Variants in ABCD4 observed in about 807,000 individuals in gnomAD.
ABCD4 encodes lysosomal cobalamin transporter ABCD4.
Under a neutral mutation model 86.3 loss-of-function variants are expected in ABCD4, and 53 were observed. The ratio of observed to expected loss-of-function variants is 0.61; its 90% CI spans 0.49 to 0.77. The LOEUF is 0.77. Ranked by LOEUF, ABCD4 falls within the 30% of genes least tolerant of loss-of-function variation. ABCD4 has a pLI of 0.00. For synonymous variants in ABCD4, 328 were observed against 313.6 expected (o/e 1.05, Z -0.49); for missense variants, 757 against 764.5 (o/e 0.99, Z 0.12).
At chr14:74,293,935 T>C (rs1366510869) in intron 7 of ABCD4, 1 of 152,168 alleles carries the variant, frequency 6.6e-6, no homozygotes, top group African/African-American at 2.4e-5. Context: ...GCAGAAAAGG[T>C]GGAGGGAGAT....
chr14:74,289,723 A>G (rs1206163107), intron 13 of ABCD4: 10 of 1,435,860 alleles, frequency 7.0e-6, no homozygotes, highest in Non-Finnish European at 9.1e-6. Context: ...TAGGGGGAAC[A>G]GTCTGACAGC....
In ABCD4 at chr14:74,286,397, T is replaced by C. The variant is rs774479589; in HGVS notation, c.*64A>G. On this transcript the variant is annotated 3_prime_UTR_variant, in exon 19 of 19. Coordinates refer to ENST00000356924, the MANE Select transcript of ABCD4 (RefSeq NM_005050.4). ...TGAGCTCGATCTTCGCTGTCAGTCC[T>C]CCTGGTCTCTCCTGAGGGCCGCCGA... 1.9e-6 allele frequency: 3 copies of C among 1,567,144 alleles called. No individual in the cohort carries two copies. The Admixed American group carries it at 5.0e-5, about 26-fold the overall frequency.
Position 74,302,864 on chromosome 14 carries a change from G to A in ABCD4, c.38+11C>T, listed in dbSNP as rs1274426386. On this transcript the variant is annotated intron_variant, in intron 1 of 18. Coordinates refer to ENST00000356924, the MANE Select transcript of ABCD4 (RefSeq NM_005050.4). ...CTGCTCCCAAACCTCCTCCCCGACC[G>A]CCCTGCTTACCTGGCGCCAGCTCCG... is the stretch of plus-strand genomic sequence containing the variant. 1.9e-6 allele frequency: 3 copies of A among 1,605,392 alleles called. No individual in the cohort carries two copies. Among genetic ancestry groups the A allele is most frequent in the Admixed American group, 1.7e-5 (1 of 58,966 alleles).
At chr14:74,297,855 A>G in intron 4 of ABCD4, 75 bp downstream of exon 4, 1 of 1,519,346 alleles carries the variant, frequency 6.6e-7, no homozygotes, top group Non-Finnish European at 8.8e-7. Flanking sequence ...GGTGTCTGCC[A>G]CCAGCAGTCT....
At chr14:74,300,905 T>C (rs2140123551) in intron 1 of ABCD4, among the ~76,000 whole-genome samples, 1 of 152,222 alleles carries the variant, frequency 6.6e-6, no homozygotes, top group Non-Finnish European at 1.5e-5. Flanking sequence ...CAGGCTGGAA[T>C]GCAACGGCGC....
chr14:74,302,769 A>AGACGGGGGCGC, intron 1 of ABCD4, 106 bp downstream of exon 1: 1 of 1,260,282 alleles, frequency 7.9e-7, no homozygotes, highest in Non-Finnish European at 1.0e-6. Flanking sequence ...CACGGGGGCG[A>AGACGGGGGCGC]GACGGGGGCG....
At position 74,290,014 on chromosome 14, in the gene ABCD4, G is replaced by C; in HGVS notation, c.1419+13C>G. Reference sequence around the variant, plus strand: ...TTGAGGAGGGAGGAGTGAGCCCCCTGAACTAGACTGACCTGCTCCCGAAGG... The same window carrying C: ...TTGAGGAGGGAGGAGTGAGCCCCCTCAACTAGACTGACCTGCTCCCGAAGG... On this transcript the variant is annotated intron_variant, in intron 13 of 18. Coordinates refer to ENST00000356924, the MANE Select transcript of ABCD4 (RefSeq NM_005050.4). 1 of 1,614,086 alleles carries C rather than the reference G, an allele frequency of 6.2e-7. No homozygotes were observed. Among genetic ancestry groups the C allele is most frequent in the Non-Finnish European group, 8.5e-7 (1 of 1,179,994 alleles).
intron 1 of ABCD4, among the ~76,000 whole-genome samples, chr14:74,300,895 C>T: frequency 6.6e-6 from 1 of 152,054 alleles, no homozygotes; most frequent in East Asian, 1.9e-4. Context: ...GCTCGTTGCC[C>T]AGGCTGGAAT....
At position 74,295,881 on chromosome 14, in the gene ABCD4, T is replaced by C; in HGVS notation, c.641A>G (p.His214Arg). Residue 214 changes from histidine to arginine, a missense_variant, in exon 6 of 19, where the codon CAT becomes CGT. His to Arg is a conservative substitution (Grantham distance 29). Transcript: ENST00000356924. ...AAAATCTCCCTCCAGCTTCTCCTGA[T>C]GCACCAGCTTCATCACAATGGGGCC... The part of the protein sequence containing the change: ...LMGPIVMKLV[H>R]QEKLEGDFRF... 1 of 1,613,452 alleles carries C rather than the reference T, an allele frequency of 6.2e-7. No homozygotes were observed. Among genetic ancestry groups the C allele is most frequent in the Non-Finnish European group, 8.5e-7 (1 of 1,179,874 alleles).
intron 17 of ABCD4, among the ~76,000 whole-genome samples, 156 bp downstream of exon 17, chr14:74,287,654 C>T (rs1439859952): frequency 6.6e-6 from 1 of 152,158 alleles, no homozygotes; most frequent in African/African-American, 2.4e-5. Flanking sequence ...CGATGCCAGG[C>T]ACTGTTTACA....
Position 74,300,182 on chromosome 14 carries a change from A to T in ABCD4, c.125T>A (p.Met42Lys), listed in dbSNP as rs746352661. The T allele has an allele frequency of 1.9e-6, 3 of 1,613,938 alleles. No homozygotes were observed. In the South Asian group the frequency reaches 3.3e-5, roughly 18 times the overall value. The change falls in exon 2 of 19, where the codon ATG becomes AAG. Residue 42 changes from methionine (M) to lysine (K), a missense_variant. Met to Lys is a moderately conservative substitution (Grantham distance 95). Transcript: ENST00000356924. ...FPSWSSQNAL[M>K]FLTLLCLTLL... ...GGTCAGGCACAAAAGGGTCAGGAAC[A>T]TCAAGGCATTTTGTGATGACCAAGA... is the stretch of plus-strand genomic sequence containing the variant.
At chr14:74,297,278 T>C (rs1332067147) in intron 4 of ABCD4, 1 of 152,240 alleles carries the variant, frequency 6.6e-6, no homozygotes, top group Admixed American at 6.5e-5. Flanking sequence ...TCATCCTCAC[T>C]ACACCCTTTG....
rs2139699727 is a variant in ABCD4 at position 74,286,824 on chromosome 14, G to A, written c.1637-8C>T. ...TGGTGGCTTCATCAAGCACTGAGGG[G>A]GCAGAGCACAGAGGAAGAGATCAAA... On this transcript the variant is annotated splice_polypyrimidine_tract_variant and splice_region_variant and intron_variant, in intron 17 of 18. Coordinates refer to ENST00000356924, the MANE Select transcript of ABCD4 (RefSeq NM_005050.4). The A allele has an allele frequency of 6.2e-7, 1 of 1,612,864 alleles. No individual in the cohort carries two copies. Among genetic ancestry groups the A allele is most frequent in the East Asian group, 2.2e-5 (1 of 44,884 alleles).
chr14:74,300,390 C>T, intron 1 of ABCD4, 122 bp from the exon 2 acceptor site: 1 of 670,544 alleles, frequency 1.5e-6, no homozygotes. Context: ...GAATGGTTTT[C>T]AAATGCTGAA....
chr14:74,289,763 C>T lies in ABCD4; in HGVS notation c.1420-244G>A, dbSNP rs1372589331. 4.2e-6 allele frequency: 6 copies of T among 1,434,948 alleles called. No homozygotes were observed. The South Asian group carries it at 4.5e-5, about 11-fold the overall frequency. The allele number at this position is 1,434,948 out of a possible 1,614,324, so 88.9% of individuals were successfully genotyped here. A position where few individuals can be genotyped will look rare whatever the true frequency, so the allele number is the denominator to read the frequency against. ...TGAGGGCAGGGGCCCCAGAATCCGA[C>T]CTTGGGTGTTTGACATACGCGTGTG... is the stretch of plus-strand genomic sequence containing the variant. On this transcript the variant is annotated intron_variant, in intron 13 of 18. Coordinates refer to ENST00000356924, the MANE Select transcript of ABCD4 (RefSeq NM_005050.4).
Position 74,286,455 on chromosome 14 carries a change from A to C in ABCD4, c.*6T>G. ...CAGTGTGGCTCTCCTTCCAAAAGCC[A>C]GAGCTTCATTCCACTTTGATTCTCA... On this transcript the variant is annotated 3_prime_UTR_variant, in exon 19 of 19. Transcript: ENST00000356924. 6.2e-7 allele frequency: 1 copy of C among 1,614,152 alleles called. No homozygotes were observed.
rs181943870 is a variant in ABCD4, at chr14:74,292,581, G to A, written c.998C>T (p.Thr333Met). 160 of 1,614,094 alleles carry A rather than the reference G, an allele frequency of 9.9e-5. 1 individual carries two copies. Among genetic ancestry groups the A allele is most frequent in the East Asian group, 9.8e-4 (44 of 44,882 alleles). ...CFTQLIDLST[T>M]LSDVAGYTHR... ...CGTGTAGCCAGCCACATCTGAGAGC[G>A]TCGTGGACAGGTCGATGAGCTGGGT... The change falls in exon 10 of 19, where the codon ACG (threonine) becomes ATG (methionine). Residue 333 changes from threonine to methionine, a missense_variant. Thr to Met is a moderately conservative substitution (Grantham distance 81). Coordinates refer to ENST00000356924, the MANE Select transcript of ABCD4 (RefSeq NM_005050.4).
Position 74,290,081 on chromosome 14 carries a change from C to T in ABCD4, c.1365G>A (p.Gly455=), listed in dbSNP as rs760206135. The T allele has an allele frequency of 1.1e-5, 18 of 1,614,126 alleles. No homozygotes were observed. The highest frequency in any genetic ancestry group is 1.4e-5 in the Non-Finnish European group (17 of 1,180,030). Residue 455 remains glycine (G), a synonymous_variant, in exon 13 of 19, where the codon GGG becomes GGA. Coordinates refer to ENST00000356924, the MANE Select transcript of ABCD4 (RefSeq NM_005050.4). ...ATGGCTTTTGTGGCAGGAATAGCAC[C>T]CCATGGGGCCCAAAGTCCGTCAGCA... The part of the protein sequence containing the change: ...VQMLTDFGPH[G]VLFLPQKPFF...
chr14:74,295,250 C>T (rs758209078), intron 6 of ABCD4, 52 bp from the exon 7 acceptor site: 47 of 1,605,320 alleles, frequency 2.9e-5, no homozygotes, highest in Non-Finnish European at 3.6e-5. Flanking sequence ...ACTGGCCTCA[C>T]TCTTGTTGGA....
Sources: gnomAD v4.1 joint callset for allele counts (sites outside exome capture counted in the v4.1 genomes callset) on GRCh38, gnomAD v4.1.1 for gene constraint, MANE v1.5 for transcripts, NCBI Gene and HGNC (gene_info 2026-07-23, HGNC 2026-07-21) for gene names.